Variants in JCAD observed in about 807,000 individuals in gnomAD.
The protein encoded by JCAD is junctional cadherin 5-associated protein.
In JCAD, 40 loss-of-function variants were observed where a neutral mutation model predicts 98.0. The observed-to-expected ratio is 0.41, with a 90% CI of 0.32 to 0.53. The LOEUF (loss-of-function observed/expected upper bound fraction) is 0.53, where lower values mean the gene tolerates loss of function less well. Ranked by LOEUF, JCAD falls within the 20% of genes least tolerant of loss-of-function variation. The pLI is 0.31. For missense variants in JCAD, 1,705 were observed against 1,738.1 expected (o/e 0.98, Z 0.34); for synonymous variants, 691 against 682.3 (o/e 1.01, Z -0.20).
chr10:30,107,389 CATGCTAG>C (rs1838604966), intron 1 of JCAD, among the ~76,000 whole-genome samples: 1 of 152,188 alleles, frequency 6.6e-6, no homozygotes, highest in African/African-American at 2.4e-5. Context: ...ACTGCATTGG[CATGCTAG>C]AAGACACTCC....
At chr10:30,088,969 T>C (rs1328963085) in intron 1 of JCAD, among the ~76,000 whole-genome samples, 1 of 152,084 alleles carries the variant, frequency 6.6e-6, no homozygotes, top group East Asian at 1.9e-4. Context: ...CAGAGCGAGA[T>C]GCCATCTCAA....
At chr10:30,036,919 C>G (rs1361905717) in intron 2 of JCAD, among the ~76,000 whole-genome samples, 1 of 152,240 alleles carries the variant, frequency 6.6e-6, no homozygotes, top group Non-Finnish European at 1.5e-5. Context: ...GTGTCATGTT[C>G]TAGACCAGTG....
chr10:30,040,194 GCTGA>G (rs942476707), intron 2 of JCAD, among the ~76,000 whole-genome samples: 8 of 152,140 alleles, frequency 5.3e-5, no homozygotes, highest in African/African-American at 1.9e-4. Context: ...GAGTGACGTA[GCTGA>G]CTGTCATCAC....
At chr10:30,096,647 T>C (rs1431656383) in intron 1 of JCAD, among the ~76,000 whole-genome samples, 1 of 151,716 alleles carries the variant, frequency 6.6e-6, no homozygotes. Flanking sequence ...AATGAGCATC[T>C]GTTTGTGCCA....
In JCAD at chr10:30,050,314, CAAAAAAAAAAAAAAAA is replaced by C. The variant is rs61421356; in HGVS notation, c.-59-2459_-59-2444del. The stretch of plus-strand genomic sequence containing the variant: ...TGAGTGACACAGCAAGACCCTGTCT[CAAAAAAAAAAAAAAAA>C]AAAAAAAAAAAAGAAAGAAAGAAAA... On this transcript the variant is annotated intron_variant, in intron 1 of 3. Coordinates refer to ENST00000375377, the MANE Select transcript of JCAD (RefSeq NM_020848.4). 3.9e-3 allele frequency among the ~76,000 whole-genome samples: 162 copies of C among 41,764 alleles called. 2 individuals are homozygous for C. Among genetic ancestry groups the C allele is most frequent in the Non-Finnish European group, 7.3e-3 (138 of 18,984 alleles). The allele number at this position is 41,764 out of a possible 152,430, so 27.4% of individuals were successfully genotyped here. A position where few individuals can be genotyped will look rare whatever the true frequency, so the allele number is the denominator to read the frequency against.
In JCAD at chr10:30,087,842, C is replaced by G. The variant is rs4749528; in HGVS notation, n.129-18021G>C. On this transcript the variant is annotated intron_variant and non_coding_transcript_variant, in intron 1 of 2. Transcript: ENST00000465712. Reference sequence around the variant, plus strand: ...TGAAACCTTATTGGACTTCTGTAACCTTTGTTTGTTTGTTTGTTTGCCAGA... The same window carrying G: ...TGAAACCTTATTGGACTTCTGTAACGTTTGTTTGTTTGTTTGTTTGCCAGA... Among the ~76,000 whole-genome samples, 118 of 152,100 alleles carry G rather than the reference C, an allele frequency of 7.8e-4. 1 individual carries two copies. Among genetic ancestry groups the G allele is most frequent in the African/African-American group, 2.7e-3 (114 of 41,512 alleles).
At chr10:30,058,321 T>C (rs1158532254) in intron 1 of JCAD, among the ~76,000 whole-genome samples, 2 of 151,826 alleles carry the variant, frequency 1.3e-5, no homozygotes, top group East Asian at 1.9e-4. Flanking sequence ...ACCAAGCTAC[T>C]AGATTTGGGG....
At chr10:30,113,965 C>T (rs1838750430) in intron 1 of JCAD, among the ~76,000 whole-genome samples, 1 of 152,166 alleles carries the variant, frequency 6.6e-6, no homozygotes, top group Admixed American at 6.5e-5. Flanking sequence ...CAGCCTCAGC[C>T]TCGTAAAGGT....
intron 1 of JCAD, among the ~76,000 whole-genome samples, chr10:30,098,969 G>A (rs183051101): frequency 4.3e-4 from 66 of 152,230 alleles, no homozygotes; most frequent in Non-Finnish European, 8.2e-4. Flanking sequence ...TGGTTTATCT[G>A]ATAGCCTCTG....
At chr10:30,038,801 G>A (rs1425057263) in intron 2 of JCAD, among the ~76,000 whole-genome samples, 1 of 152,016 alleles carries the variant, frequency 6.6e-6, no homozygotes, top group East Asian at 1.9e-4. Context: ...AAGGGTATAG[G>A]TCCATGTGGA....
chr10:30,058,234 T>A (rs922182084), intron 1 of JCAD, among the ~76,000 whole-genome samples: 5 of 152,054 alleles, frequency 3.3e-5, no homozygotes, highest in African/African-American at 1.2e-4. Flanking sequence ...GGGAGAAACA[T>A]CACATTAAAC....
chr10:30,047,509 G>C lies in JCAD; in HGVS notation c.281+23C>G, dbSNP rs370604463. 1.8e-5 allele frequency: 28 copies of C among 1,594,604 alleles called. No homozygotes were observed. The South Asian group carries it at 3.1e-4, about 18-fold the overall frequency. ...CCAAACTCCTGAGTCAAAAGAAAAC[G>C]GTGGGTTCACAGTGAAACTTACCCC... On this transcript the variant is annotated intron_variant, in intron 2 of 3. Coordinates refer to ENST00000375377, the MANE Select transcript of JCAD (RefSeq NM_020848.4).
chr10:30,024,760 A>G (rs904000451), intron 3 of JCAD, among the ~76,000 whole-genome samples: 1 of 147,130 alleles, frequency 6.8e-6, no homozygotes, highest in African/African-American at 2.6e-5. Flanking sequence ...CAGAGGCACA[A>G]TCTCGGCTCA....
At chr10:30,060,588 C>T (rs543876757), upstream of JCAD, among the ~76,000 whole-genome samples, 1 of 152,342 alleles carries the variant, frequency 6.6e-6, no homozygotes, top group South Asian at 2.1e-4. Flanking sequence ...ACATGGATGG[C>T]ACAGCAGACT....
chr10:30,028,042 C>A lies in JCAD; in HGVS notation c.2106G>T (p.Ser702=), dbSNP rs1258187273. The change falls in exon 3 of 4, where the codon TCG becomes TCT. Residue 702 remains serine (S), a synonymous_variant. Transcript: ENST00000375377. ...QTSFSEEPQS[S]QLLPGAKLGG... ...CCAGCTTTGCACCAGGGAGCAGCTG[C>A]GAACTTTGGGGCTCCTCGGAGAAAC... 6.2e-7 allele frequency: 1 copy of A among 1,614,228 alleles called. No individual in the cohort carries two copies. The highest frequency in any genetic ancestry group is 8.5e-7 in the Non-Finnish European group (1 of 1,180,044).
At chr10:30,044,839 A>C (rs1837304589) in intron 2 of JCAD, 3 of 844,574 alleles carry the variant, frequency 3.6e-6, no homozygotes, top group Non-Finnish European at 2.9e-6. Context: ...AAAAAAAAAA[A>C]GTCTTTCATT....
intron 1 of JCAD, among the ~76,000 whole-genome samples, chr10:30,097,538 A>G (rs1465077332): frequency 6.6e-6 from 1 of 152,204 alleles, no homozygotes; most frequent in Non-Finnish European, 1.5e-5. Flanking sequence ...TACCTGAGTC[A>G]GGAGTTCAAG....
intron 1 of JCAD, among the ~76,000 whole-genome samples, chr10:30,110,214 G>T (rs558451713): frequency 6.6e-6 from 1 of 151,022 alleles, no homozygotes; most frequent in African/African-American, 2.4e-5. Flanking sequence ...GACCATTGAT[G>T]TATGGTCCAG....
intron 2 of JCAD, among the ~76,000 whole-genome samples, chr10:30,034,110 C>G (rs984339096): frequency 5.9e-5 from 9 of 151,570 alleles, no homozygotes; most frequent in Admixed American, 1.3e-4. Context: ...GTAATCCTAG[C>G]TACCCGGGAG....
Sources: allele counts gnomAD v4.1 joint callset (sites outside exome capture counted in the v4.1 genomes callset), GRCh38; gene constraint gnomAD v4.1.1; transcripts MANE v1.5; gene names NCBI Gene and HGNC (gene_info 2026-07-23, HGNC 2026-07-21).